MIA2: variants seen among roughly 807,000 people sequenced by gnomAD.
MIA2 encodes MIA SH3 domain ER export factor 2.
In MIA2, 127 loss-of-function variants were observed where a neutral mutation model predicts 167.8. That is an observed-to-expected ratio of 0.76 (90% CI 0.66 to 0.88). The LOEUF is 0.88. MIA2 is among the 40% of genes least tolerant of loss of function. MIA2 has a pLI of 0.00. For synonymous variants in MIA2, 552 were observed against 541.9 expected (o/e 1.02, Z -0.26); for missense variants, 1,690 against 1,624.7 (o/e 1.04, Z -0.69).
At chr14:39,270,661 T>A (rs531824666) in intron 6 of MIA2, among the ~76,000 whole-genome samples, 2 of 152,230 alleles carry the variant, frequency 1.3e-5, no homozygotes, top group African/African-American at 4.8e-5. Flanking sequence ...TCCAGAGTGC[T>A]GGTGTTACAG....
intron 4 of MIA2, 96 bp downstream of exon 4, chr14:39,248,237 G>GT (rs1164038093): frequency 2.0e-6 from 2 of 983,040 alleles, no homozygotes; most frequent in African/African-American, 1.7e-5. Context: ...AGGAATCCAC[G>GT]TTTTTCAGAA....
At chr14:39,313,512 A>G in intron 19 of MIA2, 71 bp downstream of exon 19, 1 of 799,442 alleles carries the variant, frequency 1.3e-6, no homozygotes, top group Non-Finnish European at 2.0e-6. Context: ...TGCCAGAAAA[A>G]TAATAAATCA....
intron 6 of MIA2, chr14:39,267,605 G>T: frequency 6.6e-7 from 1 of 1,517,796 alleles, no homozygotes; most frequent in Admixed American, 1.9e-5. Context: ...CGGCTTTGGG[G>T]TCTAAGCCGC....
chr14:39,364,713 T>TG (rs2074778284), intron 23 of MIA2, among the ~76,000 whole-genome samples: 1 of 134,858 alleles, frequency 7.4e-6, no homozygotes. Flanking sequence ...GCTGATAGTT[T>TG]GTTTTTTTTG....
chr14:39,336,079 C>CT (rs2070339830), intron 25 of MIA2, among the ~76,000 whole-genome samples: 1 of 152,106 alleles, frequency 6.6e-6, no homozygotes, highest in South Asian at 2.1e-4. Flanking sequence ...GTGCTTGTGC[C>CT]TTTTTTGTAG....
intron 10 of MIA2, chr14:39,292,626 A>AT: frequency 3.7e-6 from 1 of 273,308 alleles, no homozygotes; most frequent in Non-Finnish European, 7.1e-6. Flanking sequence ...TTTTGCTTTT[A>AT]TTTTGGCCTG....
intron 23 of MIA2, among the ~76,000 whole-genome samples, chr14:39,376,064 C>T (rs143359786): frequency 0.013 from 2,035 of 152,268 alleles, 60 homozygotes; most frequent in African/African-American, 0.046. Context: ...AGTGATTCTC[C>T]TGCCTCAGCC....
intron 5 of MIA2, 38 bp from the exon 6 acceptor site, chr14:39,253,033 A>G (rs2054648004): frequency 2.0e-5 from 31 of 1,561,200 alleles, no homozygotes; most frequent in Non-Finnish European, 2.7e-5. Flanking sequence ...GAAGTTATAT[A>G]ATATCATGCT....
chr14:39,301,009 CACAT>C (rs2062375370), intron 14 of MIA2, among the ~76,000 whole-genome samples: 1 of 143,988 alleles, frequency 6.9e-6, no homozygotes, highest in African/African-American at 2.7e-5. Context: ...TACATATATA[CACAT>C]ATATACACAC....
At chr14:39,386,698 G>T in intron 23 of MIA2, 3 of 1,203,264 alleles carry the variant, frequency 2.5e-6, no homozygotes, top group Non-Finnish European at 3.7e-6. Context: ...TTGTTTTCTT[G>T]CCTCTTCCAA....
chr14:39,266,293 G>A (rs988133429), intron 6 of MIA2: 4 of 985,238 alleles, frequency 4.1e-6, no homozygotes, highest in African/African-American at 3.5e-5. Flanking sequence ...TTACACCTAC[G>A]TCAGCTAAAA....
rs114538941 is a variant in MIA2, at chr14:39,293,496, G to A, written c.2319+115G>A. 4,735 of 778,788 alleles carry A rather than the reference G, an allele frequency of 6.1e-3. 141 individuals are homozygous for A. In the African/African-American group the frequency reaches 0.066, roughly 11 times the overall value. 48.2% of individuals were successfully genotyped at this position (778,788 alleles called of 1,614,324 possible). On this transcript the variant is annotated intron_variant, in intron 11 of 28. Coordinates refer to ENST00000640607, the MANE Select transcript of MIA2 (RefSeq NM_001329214.4). ...ATTGTAAAAAATGTAAAGAATACAGGTGGTTGTAGAGAGCAAAATTTTCTA... is the reference window on the plus strand; with the variant it reads ...ATTGTAAAAAATGTAAAGAATACAGATGGTTGTAGAGAGCAAAATTTTCTA...
chr14:39,326,083 C>G (rs1325544199), intron 24 of MIA2, among the ~76,000 whole-genome samples: 2 of 152,184 alleles, frequency 1.3e-5, no homozygotes, highest in African/African-American at 4.8e-5. Flanking sequence ...AAAATTACTC[C>G]TGTTTGTAAA....
Position 39,325,394 on chromosome 14 carries a change from G to T in MIA2, c.3497-1470G>T, listed in dbSNP as rs1178109416. On this transcript the variant is annotated intron_variant, in intron 24 of 28. Transcript: ENST00000640607. ...TTTTTTTTTTTTTTTTTGAGATGGA[G>T]TCTCGCTCTATCCCCCAGACTGGTG... 2.8e-5 allele frequency among the ~76,000 whole-genome samples: 4 copies of T among 141,142 alleles called. No individual in the cohort carries two copies. In the East Asian group the frequency reaches 8.2e-4, roughly 29 times the overall value. 92.6% of individuals were successfully genotyped at this position (141,142 alleles called of 152,430 possible).
chr14:39,375,770 T>C (rs1236404180), intron 23 of MIA2, among the ~76,000 whole-genome samples: 5 of 152,206 alleles, frequency 3.3e-5, no homozygotes, highest in East Asian at 3.8e-4. Flanking sequence ...TGAAAATTAA[T>C]ATTTTGTTAT....
At chr14:39,312,790 G>A (rs186009129) in intron 18 of MIA2, among the ~76,000 whole-genome samples, 1 of 151,890 alleles carries the variant, frequency 6.6e-6, no homozygotes, top group African/African-American at 2.4e-5. Flanking sequence ...ACATACTAAT[G>A]GCTCAATAAG....
At chr14:39,300,711 A>G (rs1334202388) in intron 14 of MIA2, among the ~76,000 whole-genome samples, 5 of 151,022 alleles carry the variant, frequency 3.3e-5, no homozygotes, top group African/African-American at 9.7e-5. Context: ...AGATATACCT[A>G]ATGTAAATGA....
At chr14:39,284,992 C>T (rs1462464082) in intron 9 of MIA2, among the ~76,000 whole-genome samples, 6 of 152,164 alleles carry the variant, frequency 3.9e-5, no homozygotes, top group Non-Finnish European at 7.3e-5. Flanking sequence ...TTTAGCAAAG[C>T]ACATCTTGCA....
chr14:39,359,577 A>C (rs537755706), intron 23 of MIA2, among the ~76,000 whole-genome samples: 3 of 152,266 alleles, frequency 2.0e-5, no homozygotes, highest in Non-Finnish European at 4.4e-5. Context: ...ACTGTCCGAC[A>C]ATCCCCAGTG....
Sources: allele counts gnomAD v4.1 joint callset (sites outside exome capture counted in the v4.1 genomes callset), GRCh38; gene constraint gnomAD v4.1.1; transcripts MANE v1.5; gene names NCBI Gene and HGNC (gene_info 2026-07-23, HGNC 2026-07-21).